The following AFF2 variants were observed in gnomAD, a reference collection of about 807,000 sequenced individuals.
AFF2 encodes the protein ALF transcription elongation factor 2, also known as AF4/FMR2 family member 2.
A neutral mutation model predicts 76.9 loss-of-function variants in AFF2; 14 were observed. The observed-to-expected ratio is 0.18, with a 90% confidence interval of 0.12 to 0.28. AFF2 has a LOEUF of 0.28. Ranked by LOEUF, AFF2 falls within the 10% of genes least tolerant of loss-of-function variation. The pLI, the probability that AFF2 is intolerant of heterozygous loss-of-function variation, is 1.00. For missense variants in AFF2, 868 were observed against 1,001.1 expected (o/e 0.87, Z 1.79); for synonymous variants, 398 against 366.7 (o/e 1.09, Z -0.98).
intron 19 of AFF2, 123 bp downstream of exon 19, chrX:148,980,913 A>G: frequency 2.3e-6 from 1 of 439,636 alleles, no homozygotes; most frequent in Admixed American, 3.3e-5. Context: ...TTGTGCATAC[A>G]AAATTCCAGC....
intron 4 of AFF2, among the ~76,000 whole-genome samples, chrX:148,814,744 A>G (rs151167754): frequency 0.019 from 2,091 of 111,846 alleles, 48 homozygotes; most frequent in African/African-American, 0.065. Context: ...CAGTTTTAGC[A>G]TGGAAAAAAA....
chrX:148,664,352 CCT>C (rs1362177180), intron 3 of AFF2, among the ~76,000 whole-genome samples: 1 of 111,807 alleles, frequency 8.9e-6, no homozygotes, highest in African/African-American at 3.3e-5. Flanking sequence ...CCTGTGGTTC[CCT>C]GTCATGTCAT....
chrX:148,716,011 C>G (rs909782416), intron 3 of AFF2, among the ~76,000 whole-genome samples: 8 of 111,495 alleles, frequency 7.2e-5, no homozygotes, highest in Admixed American at 2.9e-4. Flanking sequence ...CTCTCTCTCT[C>G]TCTGTGTGTG....
intron 1 of AFF2, among the ~76,000 whole-genome samples, chrX:148,640,662 A>T (rs1333743668): frequency 8.9e-6 from 1 of 112,593 alleles, no homozygotes. Context: ...TAAAAATCTC[A>T]TCTATTCTTT....
intron 1 of AFF2, among the ~76,000 whole-genome samples, chrX:148,576,043 C>T (rs1656054959): frequency 9.0e-6 from 1 of 110,940 alleles, no homozygotes; most frequent in African/African-American, 3.3e-5. Context: ...AATTCAGTAG[C>T]AGTGTACAGG....
chrX:148,691,591 G>T (rs1557260770), intron 3 of AFF2, among the ~76,000 whole-genome samples: 1 of 111,358 alleles, frequency 9.0e-6, no homozygotes, highest in Admixed American at 9.5e-5. Flanking sequence ...AGTAGGAATT[G>T]GTCAGCAAGC....
intron 1 of AFF2, among the ~76,000 whole-genome samples, chrX:148,533,848 G>T (rs1225516884): frequency 7.2e-5 from 8 of 111,669 alleles, no homozygotes; most frequent in Admixed American, 6.6e-4. Flanking sequence ...AAATATATCA[G>T]CATTCTGAAA....
At chrX:148,966,344 C>A (rs1569557790) in intron 13 of AFF2, among the ~76,000 whole-genome samples, 1 of 111,383 alleles carries the variant, frequency 9.0e-6, no homozygotes, top group Non-Finnish European at 1.9e-5. Flanking sequence ...GAGAAAGCTT[C>A]TGGGTTGGTT....
chrX:148,761,883 T>C (rs1167452390), intron 3 of AFF2, among the ~76,000 whole-genome samples: 1 of 110,209 alleles, frequency 9.1e-6, no homozygotes, highest in East Asian at 2.8e-4. Flanking sequence ...CTTTGTAAGC[T>C]CCAAACACTA....
chrX:148,545,746 T>TA (rs1316331566), intron 1 of AFF2, among the ~76,000 whole-genome samples: 12 of 105,243 alleles, frequency 1.1e-4, no homozygotes, highest in East Asian at 8.9e-4. Flanking sequence ...TTAAATAAAT[T>TA]AAAAAAAAAA....
intron 1 of AFF2, among the ~76,000 whole-genome samples, chrX:148,573,971 T>C (rs2053258556): frequency 9.0e-6 from 1 of 110,955 alleles, no homozygotes; most frequent in South Asian, 3.8e-4. Context: ...CTTAGCATCG[T>C]GTACTCTGCC....
chrX:148,760,211 C>G (rs1284435350), intron 3 of AFF2, among the ~76,000 whole-genome samples: 3 of 111,836 alleles, frequency 2.7e-5, no homozygotes, highest in Non-Finnish European at 5.6e-5. Context: ...GTAACAGTTA[C>G]TATGCCAGGT....
At chrX:148,681,610 G>GAAGAAAGAAAGAAAGA (rs370085084) in intron 3 of AFF2, among the ~76,000 whole-genome samples, 1 of 95,593 alleles carries the variant, frequency 1.0e-5, no homozygotes, top group African/African-American at 3.9e-5. Flanking sequence ...AGAAAGGAAA[G>GAAGAAAGAAAGAAAGA]AAGAAAGAAA....
rs181706315 is a variant in AFF2, at chrX:148,837,049, G to A, written c.1087-598G>A. On this transcript the variant is annotated intron_variant, in intron 4 of 20. Coordinates refer to ENST00000370460, the MANE Select transcript of AFF2 (RefSeq NM_002025.4). Reference sequence around the variant, plus strand: ...GTTGGGCTGTATCAAGAGAAGATGAGTATCAGAAGGCAGCGACAGTACTGT... The same window carrying A: ...GTTGGGCTGTATCAAGAGAAGATGAATATCAGAAGGCAGCGACAGTACTGT... Among the ~76,000 whole-genome samples the A allele has an allele frequency of 5.4e-5, 6 of 112,099 alleles. No homozygotes were observed. In the East Asian group the frequency reaches 1.7e-3, roughly 32 times the overall value.
chrX:148,827,342 T>C (rs1206154275), intron 4 of AFF2, among the ~76,000 whole-genome samples: 1 of 112,141 alleles, frequency 8.9e-6, no homozygotes, highest in Admixed American at 9.5e-5. Context: ...TTTCTTAACG[T>C]GATAAGTGTA....
At chrX:148,858,330 A>G (rs1557276102) in intron 7 of AFF2, among the ~76,000 whole-genome samples, 3 of 111,658 alleles carry the variant, frequency 2.7e-5, no homozygotes, top group Admixed American at 9.6e-5. Flanking sequence ...AAAGAAAATC[A>G]TATATAGATG....
At chrX:148,958,924 C>A (rs2072074237) in intron 12 of AFF2, among the ~76,000 whole-genome samples, 1 of 107,186 alleles carries the variant, frequency 9.3e-6, no homozygotes, top group South Asian at 4.3e-4. Flanking sequence ...TCTTTGATGT[C>A]ATTACTTAAC....
chrX:148,982,038 C>A (rs1441148518), intron 19 of AFF2, among the ~76,000 whole-genome samples: 6 of 111,723 alleles, frequency 5.4e-5, no homozygotes, highest in African/African-American at 1.6e-4. Context: ...TAAAAATAAC[C>A]GGAGAAAGGC....
chrX:148,798,525 A>G (rs1557270712), intron 3 of AFF2, among the ~76,000 whole-genome samples: 2 of 112,317 alleles, frequency 1.8e-5, no homozygotes, highest in African/African-American at 6.5e-5. Context: ...CCAAACGCCA[A>G]ATTTAGAAGT....
Sources: gnomAD v4.1 joint callset for allele counts (sites outside exome capture counted in the v4.1 genomes callset) on GRCh38, gnomAD v4.1.1 for gene constraint, MANE v1.5 for transcripts, NCBI Gene and HGNC (gene_info 2026-07-23, HGNC 2026-07-21) for gene names.